The following OR2L13 variants were observed in gnomAD, a reference collection of about 807,000 sequenced individuals.
The protein encoded by OR2L13 is olfactory receptor family 2 subfamily L member 13.
In OR2L13, 14 loss-of-function variants were observed where a neutral mutation model predicts 15.3. The observed-to-expected ratio is 0.91, with a 90% CI of 0.60 to 1.43. The LOEUF is 1.43. OR2L13 is among the 40% of genes most tolerant of loss of function. The pLI is 0.00. For missense variants in OR2L13, 367 were observed against 387.9 expected (o/e 0.95, Z 0.45); for synonymous variants, 152 against 142.9 (o/e 1.06, Z -0.45).
the OR2L13 span, among the ~76,000 whole-genome samples, chr1:248,052,903 A>T: frequency 3.3e-5 from 5 of 151,828 alleles, no homozygotes; most frequent in African/African-American, 9.7e-5. Flanking sequence ...GATTCTACTA[A>T]TTTTTTTGGC....
the OR2L13 span, among the ~76,000 whole-genome samples, chr1:248,036,841 T>C: frequency 6.6e-6 from 1 of 152,196 alleles, no homozygotes. Flanking sequence ...GCTTCCCTAA[T>C]GCTTAGATTA....
chr1:248,027,877 A>G, the OR2L13 span, among the ~76,000 whole-genome samples: 181 of 152,168 alleles, frequency 1.2e-3, 1 homozygote, highest in Non-Finnish European at 1.5e-3. Flanking sequence ...AAACATGTCC[A>G]CACCTGTGAT....
At chr1:248,011,253 T>C in the OR2L13 span, among the ~76,000 whole-genome samples, 1 of 152,196 alleles carries the variant, frequency 6.6e-6, no homozygotes, top group Admixed American at 6.6e-5. Context: ...TGAAAATTCT[T>C]TTCTTTAAGG....
chr1:248,093,931 T>C (rs576042833), upstream of OR2L13, among the ~76,000 whole-genome samples: 21 of 151,514 alleles, frequency 1.4e-4, no homozygotes, highest in East Asian at 3.5e-3. Context: ...TAGAGTAGAG[T>C]GGGGAATAAA....
chr1:247,941,684 G>C, the OR2L13 span, among the ~76,000 whole-genome samples: 1 of 151,910 alleles, frequency 6.6e-6, no homozygotes, highest in African/African-American at 2.4e-5. Context: ...GAGAGACCTT[G>C]TCATGAAAGA....
At chr1:248,085,436 T>TAAAATAAAATAAAATAAATAA in the OR2L13 span, among the ~76,000 whole-genome samples, 2 of 84,552 alleles carry the variant, frequency 2.4e-5, no homozygotes, top group East Asian at 3.3e-4. Flanking sequence ...TAAAATAAAA[T>TAAAATAAAATAAAATAAATAA]AATAAAATAA....
chr1:248,021,629 G>A, the OR2L13 span, among the ~76,000 whole-genome samples: 2 of 152,168 alleles, frequency 1.3e-5, no homozygotes, highest in Non-Finnish European at 2.9e-5. Flanking sequence ...CAAGAAAAAT[G>A]AGTACAGTAC....
the OR2L13 span, among the ~76,000 whole-genome samples, chr1:248,050,152 A>C: frequency 0.014 from 2,196 of 152,172 alleles, 34 homozygotes; most frequent in African/African-American, 0.049. Context: ...TTCAGGTTTC[A>C]GGTTTGTGGG....
At chr1:248,039,799 A>G in the OR2L13 span, 1 of 152,328 alleles carries the variant, frequency 6.6e-6, no homozygotes, top group African/African-American at 2.4e-5. Context: ...TGAATATTAA[A>G]TAGTTTTTAT....
chr1:247,968,097 A>G, the OR2L13 span, among the ~76,000 whole-genome samples: 1 of 152,122 alleles, frequency 6.6e-6, no homozygotes. Flanking sequence ...TGTAAAAAGC[A>G]TATATGTGGT....
At chr1:248,096,245 T>C (rs530718356), upstream of OR2L13, among the ~76,000 whole-genome samples, 1 of 151,448 alleles carries the variant, frequency 6.6e-6, no homozygotes, top group African/African-American at 2.4e-5. Flanking sequence ...TAGCCGGGCG[T>C]GGTGGTGGGC....
At chr1:248,050,916 A>G in the OR2L13 span, among the ~76,000 whole-genome samples, 2 of 152,332 alleles carry the variant, frequency 1.3e-5, no homozygotes, top group Non-Finnish European at 2.9e-5. Flanking sequence ...GCCATGGCTT[A>G]GAAACCTGCC....
At chr1:247,972,083 C>T in the OR2L13 span, among the ~76,000 whole-genome samples, 2 of 152,118 alleles carry the variant, frequency 1.3e-5, no homozygotes, top group Admixed American at 6.6e-5. Context: ...AGAACAAAGA[C>T]ATAACATACC....
chr1:247,994,725 T>C, the OR2L13 span, among the ~76,000 whole-genome samples: 1 of 152,290 alleles, frequency 6.6e-6, no homozygotes, highest in South Asian at 2.1e-4. Context: ...TATTGAAATT[T>C]TGCTAAGACA....
the OR2L13 span, among the ~76,000 whole-genome samples, chr1:248,032,508 C>T: frequency 6.6e-6 from 1 of 152,090 alleles, no homozygotes; most frequent in Non-Finnish European, 1.5e-5. Context: ...CAATTATTCT[C>T]CTTGACTCCC....
the OR2L13 span, among the ~76,000 whole-genome samples, chr1:247,988,435 T>A: frequency 6.6e-6 from 1 of 152,170 alleles, no homozygotes; most frequent in African/African-American, 2.4e-5. Context: ...TCATAACATA[T>A]CATACATATT....
the OR2L13 span, among the ~76,000 whole-genome samples, chr1:247,967,066 C>CACACACACACACACACACAT: frequency 2.0e-5 from 3 of 151,994 alleles, no homozygotes; most frequent in South Asian, 6.2e-4. Context: ...CACACACACA[C>CACACACACACACACACACAT]GAGGTGCACA....
the OR2L13 span, among the ~76,000 whole-genome samples, chr1:247,970,264 C>A: frequency 6.6e-6 from 1 of 152,002 alleles, no homozygotes; most frequent in Non-Finnish European, 1.5e-5. Flanking sequence ...ATGACATTTG[C>A]CTGTCAATTA....
chr1:248,061,397 C>A, the OR2L13 span: 12 of 1,613,986 alleles, frequency 7.4e-6, no homozygotes, highest in South Asian at 1.3e-4. Flanking sequence ...GCCTACCTGA[C>A]CTGCAGCACC....
Sources: allele counts gnomAD v4.1 joint callset (sites outside exome capture counted in the v4.1 genomes callset), GRCh38; gene constraint gnomAD v4.1.1; transcripts MANE v1.5; gene names NCBI Gene and HGNC (gene_info 2026-07-23, HGNC 2026-07-21).